GRK5: variants seen among roughly 807,000 people sequenced by gnomAD.
The protein encoded by GRK5 is g protein-coupled receptor kinase GRK5.
GRK5 carries 40 observed loss-of-function variants against 78.4 expected under a neutral mutation model. The observed-to-expected ratio is 0.51, with a 90% CI of 0.40 to 0.66. The LOEUF is 0.66. Ranked by LOEUF, GRK5 falls within the 30% of genes least tolerant of loss-of-function variation. The pLI is 0.00. For synonymous variants in GRK5, 289 were observed against 296.8 expected, an observed-to-expected ratio of 0.97 and a Z score of 0.27; for missense variants, 598 against 759.9, an observed-to-expected ratio of 0.79 and a Z score of 2.50.
intron 3 of GRK5, among the ~76,000 whole-genome samples, chr10:119,389,827 C>T (rs1851859478): frequency 6.6e-6 from 1 of 151,296 alleles, no homozygotes; most frequent in Non-Finnish European, 1.5e-5. Context: ...CACACACACA[C>T]ACACACACAC....
intron 1 of GRK5, among the ~76,000 whole-genome samples, chr10:119,299,899 G>C (rs1850146403): frequency 6.6e-6 from 1 of 152,066 alleles, no homozygotes; most frequent in Non-Finnish European, 1.5e-5. Context: ...TGCCATGTTG[G>C]TGTGCTGCAT....
At position 119,275,613 on chromosome 10, in the gene GRK5, G is replaced by GCGCACACA. The variant is rs1195537574; in HGVS notation, c.53-50902_53-50901insGCACACAC. Among the ~76,000 whole-genome samples, 172 of 120,754 alleles carry GCGCACACA rather than the reference G, an allele frequency of 1.4e-3. 2 individuals are homozygous for GCGCACACA. Among genetic ancestry groups the GCGCACACA allele is most frequent in the Middle Eastern group, 0.014 (3 of 220 alleles). The allele number at this position is 120,754 out of a possible 152,430, so 79.2% of individuals were successfully genotyped here. A position where few individuals can be genotyped will look rare whatever the true frequency, so the allele number is the denominator to read the frequency against. On this transcript the variant is annotated intron_variant, in intron 1 of 15. Transcript: ENST00000392870. ...CTCTCTCTCTCTCTCTCTCTCTCTC[G>GCGCACACA]CACACACACACACACACACACACAC...
chr10:119,285,991 G>C (rs2133695700), intron 1 of GRK5, among the ~76,000 whole-genome samples: 1 of 149,136 alleles, frequency 6.7e-6, no homozygotes, highest in South Asian at 2.1e-4. Context: ...GAAGTACAGA[G>C]CAAAGTACCC....
chr10:119,382,916 T>C (rs1851736221), intron 3 of GRK5, among the ~76,000 whole-genome samples: 1 of 151,076 alleles, frequency 6.6e-6, no homozygotes, highest in Non-Finnish European at 1.5e-5. Context: ...CTCCTCTATA[T>C]TTCTTTCTTT....
At chr10:119,418,809 C>T (rs145843820) in intron 4 of GRK5, among the ~76,000 whole-genome samples, 186 of 152,270 alleles carry the variant, frequency 1.2e-3, no homozygotes, top group African/African-American at 4.0e-3. Flanking sequence ...GAGGGGGTCC[C>T]GGACCCCTGG....
chr10:119,297,038 G>T (rs1850093246), intron 1 of GRK5, among the ~76,000 whole-genome samples: 1 of 152,246 alleles, frequency 6.6e-6, no homozygotes, highest in Admixed American at 6.5e-5. Context: ...GAGCTGGCCA[G>T]CCAGGAGAGC....
At chr10:119,354,942 A>G (rs1375612210) in intron 2 of GRK5, among the ~76,000 whole-genome samples, 1 of 152,192 alleles carries the variant, frequency 6.6e-6, no homozygotes, top group Non-Finnish European at 1.5e-5. Context: ...GACTGGCTCT[A>G]GGACTCCCCG....
At chr10:119,453,117 CTGTGTTT>C (rs1346249080) in intron 14 of GRK5, 21 bp from the exon 15 acceptor site, 29 of 1,413,924 alleles carry the variant, frequency 2.1e-5, no homozygotes, top group Non-Finnish European at 2.7e-5. Flanking sequence ...AGTTGACGGC[CTGTGTTT>C]TGTTTTCACG....
At chr10:119,292,334 C>T (rs1191684857) in intron 1 of GRK5, among the ~76,000 whole-genome samples, 3 of 151,904 alleles carry the variant, frequency 2.0e-5, no homozygotes, top group African/African-American at 7.3e-5. Context: ...TCCTTCTCCT[C>T]CTCATCCTCC....
intron 3 of GRK5, among the ~76,000 whole-genome samples, chr10:119,387,247 G>T (rs549634397): frequency 6.6e-6 from 1 of 152,034 alleles, no homozygotes; most frequent in African/African-American, 2.4e-5. Flanking sequence ...CAAGTGATCC[G>T]CCTGCCTCAG....
At chr10:119,436,926 A>G (rs965926544) in intron 9 of GRK5, 85 bp downstream of exon 9, 9 of 1,288,994 alleles carry the variant, frequency 7.0e-6, no homozygotes, top group South Asian at 2.9e-5. Flanking sequence ...GGTGGTTGCC[A>G]TCGCTCTGGG....
chr10:119,317,367 TG>T (rs1850506807), intron 1 of GRK5, among the ~76,000 whole-genome samples: 1 of 151,792 alleles, frequency 6.6e-6, no homozygotes, highest in African/African-American at 2.4e-5. Flanking sequence ...TGTGTGTGTG[TG>T]TGTGTGTGTG....
chr10:119,293,496 T>C (rs915039024), intron 1 of GRK5, among the ~76,000 whole-genome samples: 6 of 152,226 alleles, frequency 3.9e-5, no homozygotes, highest in Admixed American at 2.6e-4. Context: ...TCCTCGTCTG[T>C]CTTTTGACCT....
chr10:119,213,367 G>A (rs569821191), intron 1 of GRK5, among the ~76,000 whole-genome samples: 16 of 152,088 alleles, frequency 1.1e-4, no homozygotes, highest in African/African-American at 3.9e-4. Flanking sequence ...AAAAATCAGC[G>A]GGGTGTGGTG....
intron 2 of GRK5, among the ~76,000 whole-genome samples, chr10:119,356,980 G>T (rs1851271361): frequency 6.6e-6 from 1 of 152,230 alleles, no homozygotes; most frequent in African/African-American, 2.4e-5. Flanking sequence ...GTCAAAGAAG[G>T]CAGGGAATGT....
At chr10:119,285,030 T>C (rs1377134479) in intron 1 of GRK5, among the ~76,000 whole-genome samples, 1 of 152,206 alleles carries the variant, frequency 6.6e-6, no homozygotes, top group Non-Finnish European at 1.5e-5. Context: ...ACAGGTACGA[T>C]GTGTTCCTCA....
chr10:119,243,845 A>C (rs968627172), intron 1 of GRK5, among the ~76,000 whole-genome samples: 1 of 152,194 alleles, frequency 6.6e-6, no homozygotes, highest in African/African-American at 2.4e-5. Context: ...GATAGGACCT[A>C]GTGGTTCATC....
rs1283303575 is a variant in GRK5, at chr10:119,378,644, TCCGCTCATCTCCG to T, written c.149-2169_149-2157del. ...GCGGGCTGCCTTCAGGGCTCCTCTC[TCCGCTCATCTCCG>T]CTTGTGTGCGGGCTGCGCCTCCGTG... On this transcript the variant is annotated intron_variant, in intron 2 of 15. Coordinates refer to ENST00000392870, the MANE Select transcript of GRK5 (RefSeq NM_005308.3). The surrounding 1 kb of genome is among the most constrained non-coding windows in gnomAD (Gnocchi z 4.5). Among the ~76,000 whole-genome samples, 1 of 146,548 alleles carries T rather than the reference TCCGCTCATCTCCG, an allele frequency of 6.8e-6. No homozygotes were observed. The highest frequency in any genetic ancestry group is 1.5e-5 in the Non-Finnish European group (1 of 66,788).
chr10:119,444,736 G>A (rs1853109077), intron 12 of GRK5, among the ~76,000 whole-genome samples: 2 of 152,148 alleles, frequency 1.3e-5, no homozygotes, highest in South Asian at 2.1e-4. Flanking sequence ...CCATGTACCC[G>A]GAGCCACAGA....
Sources: allele counts gnomAD v4.1 joint callset (sites outside exome capture counted in the v4.1 genomes callset), GRCh38; gene constraint gnomAD v4.1.1; non-coding constraint Gnocchi (gnomAD v3.1); transcripts MANE v1.5; gene names NCBI Gene and HGNC (gene_info 2026-07-23, HGNC 2026-07-21).